Variants in TLCD4 observed in about 807,000 individuals in gnomAD.
TLCD4 encodes TLC domain containing 4, also known as TLC domain-containing protein 4.
A neutral mutation model predicts 24.2 loss-of-function variants in TLCD4; 7 were observed. That is an observed-to-expected ratio of 0.29 (90% CI 0.16 to 0.54). TLCD4 has a LOEUF of 0.54. TLCD4 is among the 20% of genes least tolerant of loss of function. The pLI, the probability that TLCD4 is intolerant of heterozygous loss-of-function variation, is 0.95. For missense variants in TLCD4, 259 were observed against 313.9 expected (o/e 0.82, Z 1.32); for synonymous variants, 103 against 106.4 (o/e 0.97, Z 0.20).
chr1:95,133,853 T>C (rs374947586), intron 1 of TLCD4, among the ~76,000 whole-genome samples: 2 of 151,948 alleles, frequency 1.3e-5, no homozygotes, highest in African/African-American at 2.4e-5. Context: ...GCTGAGTAAA[T>C]AGTTGGGCAT....
the TLCD4 span, among the ~76,000 whole-genome samples, chr1:95,093,783 C>T: frequency 6.6e-6 from 1 of 152,312 alleles, no homozygotes; most frequent in East Asian, 1.9e-4. Flanking sequence ...TACTGGATAC[C>T]TTTGCATGAA....
At chr1:95,109,459 G>A in the TLCD4 span, among the ~76,000 whole-genome samples, 1 of 150,760 alleles carries the variant, frequency 6.6e-6, no homozygotes. Flanking sequence ...TCCTGCAGGA[G>A]TGTTTTAATG....
intron 6 of TLCD4, among the ~76,000 whole-genome samples, chr1:95,174,407 C>T (rs548972294): frequency 7.5e-4 from 112 of 150,294 alleles, no homozygotes; most frequent in Non-Finnish European, 1.0e-3. Flanking sequence ...CAGGGGCTCA[C>T]GTCTATAAAT....
upstream of TLCD4, among the ~76,000 whole-genome samples, chr1:95,115,150 C>T (rs1310256748): frequency 3.3e-5 from 5 of 149,868 alleles, no homozygotes; most frequent in East Asian, 9.8e-4. Flanking sequence ...TCTTATTGCC[C>T]AGGCTGGAGT....
the TLCD4 span, among the ~76,000 whole-genome samples, chr1:95,110,866 TAA>T: frequency 0.019 from 2,305 of 119,494 alleles, 49 homozygotes; most frequent in African/African-American, 0.06. Context: ...AAAAGAAAAG[TAA>T]AAAAAAAAAA....
the TLCD4 span, among the ~76,000 whole-genome samples, chr1:95,098,186 G>A: frequency 0.012 from 1,761 of 152,166 alleles, 33 homozygotes; most frequent in African/African-American, 0.041. Context: ...GCTCAAAGAG[G>A]TTCTCTTTCC....
Position 95,192,706 on chromosome 1 carries a change from A to G in TLCD4, c.*838A>G, listed in dbSNP as rs1679066858. The stretch of plus-strand genomic sequence containing the variant: ...CAACATTTTTCATTTCAGACATGCA[A>G]TCACCTATTAATGATGAAATATTTT... On this transcript the variant is annotated 3_prime_UTR_variant, in exon 7 of 7. Transcript: ENST00000370203. The G allele has an allele frequency of 6.6e-6, 1 of 152,222 alleles. No homozygotes were observed. The highest frequency in any genetic ancestry group is 6.5e-5 in the Admixed American group (1 of 15,280). The allele number at this position is 152,222 out of a possible 1,614,324, so 9.4% of individuals were successfully genotyped here.
chr1:95,169,700 C>G (rs533285109), intron 5 of TLCD4, among the ~76,000 whole-genome samples: 2 of 151,734 alleles, frequency 1.3e-5, no homozygotes, highest in African/African-American at 4.8e-5. Flanking sequence ...TTTAAAGAAA[C>G]GGTTTTGCTG....
At chr1:95,188,718 G>A (rs1456881917) in intron 6 of TLCD4, among the ~76,000 whole-genome samples, 4 of 152,116 alleles carry the variant, frequency 2.6e-5, no homozygotes, top group Non-Finnish European at 5.9e-5. Context: ...ATAAAGAAAC[G>A]TCATTTTGTT....
chr1:95,115,683 T>C (rs1223063195), upstream of TLCD4, among the ~76,000 whole-genome samples: 1 of 152,134 alleles, frequency 6.6e-6, no homozygotes, highest in African/African-American at 2.4e-5. Context: ...TAGAGTATAG[T>C]GGATTTCTGT....
chr1:95,121,123 A>G (rs1676556457), intron 1 of TLCD4: 1 of 152,262 alleles, frequency 6.6e-6, no homozygotes, highest in Non-Finnish European at 1.5e-5. Flanking sequence ...AGTTCTACTT[A>G]CTTCAAAGCA....
At position 95,197,435 on chromosome 1, in the gene TLCD4, T is replaced by A. The variant is rs141883381; in HGVS notation, c.*5567T>A. 1 of 152,166 alleles carries A rather than the reference T, an allele frequency of 6.6e-6. No individual in the cohort carries two copies. Among genetic ancestry groups the A allele is most frequent in the Non-Finnish European group, 1.5e-5 (1 of 68,020 alleles). The allele number at this position is 152,166 out of a possible 1,614,324, so 9.4% of individuals were successfully genotyped here. A position where few individuals can be genotyped will look rare whatever the true frequency, so the allele number is the denominator to read the frequency against. ...AAGGTTGACATATTTTGTCCTGAAA[T>A]TTTTAGTTAACATTTCAAGAATGAT... On this transcript the variant is annotated 3_prime_UTR_variant, in exon 7 of 7. Transcript: ENST00000370203.
intron 6 of TLCD4, among the ~76,000 whole-genome samples, chr1:95,177,990 G>T (rs139587459): frequency 2.2e-5 from 3 of 137,488 alleles, no homozygotes; most frequent in African/African-American, 8.3e-5. Flanking sequence ...TCGCTCCATC[G>T]TCCAGGCTAG....
At chr1:95,137,252 A>G (rs1372362839) in intron 1 of TLCD4, among the ~76,000 whole-genome samples, 2 of 152,156 alleles carry the variant, frequency 1.3e-5, no homozygotes, top group Admixed American at 1.3e-4. Context: ...TTTGGAGTCA[A>G]TGTGGGAAAT....
chr1:95,105,691 C>G, the TLCD4 span, among the ~76,000 whole-genome samples: 1 of 151,722 alleles, frequency 6.6e-6, no homozygotes, highest in African/African-American at 2.4e-5. Flanking sequence ...GCCAGGAGAT[C>G]GAGACCATCC....
chr1:95,158,364 A>G (rs186528654), intron 5 of TLCD4, among the ~76,000 whole-genome samples: 7 of 151,146 alleles, frequency 4.6e-5, no homozygotes, highest in Non-Finnish European at 1.0e-4. Context: ...AAAATTTTCT[A>G]TAGAGATGGG....
At chr1:95,132,300 C>CA (rs1197604675) in intron 1 of TLCD4, among the ~76,000 whole-genome samples, 4 of 151,390 alleles carry the variant, frequency 2.6e-5, no homozygotes, top group Non-Finnish European at 5.9e-5. Context: ...ACTAAAAATA[C>CA]AAAAAAATTA....
chr1:95,187,932 C>T lies in TLCD4; in HGVS notation c.474-3618C>T, dbSNP rs148538915. ...CTGTGTCCTCACATGGCCTCTTCTC[C>T]GTGTGTGCATGGAGGAAGAGGGAGA... On this transcript the variant is annotated intron_variant, in intron 6 of 6. Coordinates refer to ENST00000370203, the MANE Select transcript of TLCD4 (RefSeq NM_152487.3). 3.4e-3 allele frequency among the ~76,000 whole-genome samples: 518 copies of T among 152,110 alleles called. 2 individuals are homozygous for T. The highest frequency in any genetic ancestry group is 7.9e-3 in the African/African-American group (327 of 41,492).
the TLCD4 span, among the ~76,000 whole-genome samples, chr1:95,107,507 T>C: frequency 6.6e-6 from 1 of 152,290 alleles, no homozygotes; most frequent in South Asian, 2.1e-4. Flanking sequence ...GGTTGGTTTA[T>C]ATCACTACAA....
Sources: allele counts gnomAD v4.1 joint callset (sites outside exome capture counted in the v4.1 genomes callset), GRCh38; gene constraint gnomAD v4.1.1; transcripts MANE v1.5; gene names NCBI Gene and HGNC (gene_info 2026-07-23, HGNC 2026-07-21).